The following ZNF831 variants were observed in gnomAD, a reference collection of about 807,000 sequenced individuals.
ZNF831 encodes the protein zinc finger protein 831, also known as chromosome 20 open reading frame 174.
Under a neutral mutation model 95.8 loss-of-function variants are expected in ZNF831, and 59 were observed. The observed-to-expected ratio is 0.62, with a 90% CI of 0.50 to 0.77. ZNF831 has a LOEUF of 0.77. Ranked by LOEUF, ZNF831 falls within the 30% of genes least tolerant of loss-of-function variation. The pLI is 0.00. For synonymous variants in ZNF831, 961 were observed against 925.5 expected (o/e 1.04, Z -0.70); for missense variants, 2,205 against 2,164.0 (o/e 1.02, Z -0.38).
intron 4 of ZNF831, among the ~76,000 whole-genome samples, chr20:59,220,042 C>T (rs771811472): frequency 2.6e-4 from 40 of 152,178 alleles, no homozygotes; most frequent in Non-Finnish European, 4.7e-4. Flanking sequence ...GAGAAACTCT[C>T]ATACCTTCAA....
intron 4 of ZNF831, among the ~76,000 whole-genome samples, chr20:59,235,383 C>T (rs1416718521): frequency 6.6e-6 from 1 of 152,190 alleles, no homozygotes; most frequent in Non-Finnish European, 1.5e-5. Context: ...TCTGCTGCTG[C>T]ATGCGTTTCC....
chr20:59,182,129 C>T (rs2146520658), intron 1 of ZNF831, among the ~76,000 whole-genome samples: 2 of 152,248 alleles, frequency 1.3e-5, no homozygotes, highest in South Asian at 4.1e-4. Flanking sequence ...ATAACAGCAC[C>T]TCCCTGCTGC....
rs1212335702 is a variant in ZNF831, at chr20:59,254,678, C to A, written c.4969C>A (p.Gln1657Lys). 2.5e-6 allele frequency: 4 copies of A among 1,614,002 alleles called. No individual in the cohort carries two copies. Among genetic ancestry groups the A allele is most frequent in the Non-Finnish European group, 3.4e-6 (4 of 1,180,022 alleles). ...GAGGAGTCTGGAAGGAATGAGAAAG[C>A]AAACTCGAGTAGAGTTCAGTGACAC... ...KKRSLEGMRK[Q>K]TRVEFSDTSS... Residue 1657 changes from glutamine (Q) to lysine (K), a missense_variant, in exon 6 of 6, where the codon CAA (glutamine) becomes AAA (lysine). By Grantham distance (53) the Gln-to-Lys change is moderately conservative. Transcript: ENST00000371030. The surrounding 1 kb of genome is among the most constrained non-coding windows in gnomAD (Gnocchi z 4.5).
chr20:59,124,526 C>A (rs1369356684), intron 1 of ZNF831, among the ~76,000 whole-genome samples: 1 of 152,198 alleles, frequency 6.6e-6, no homozygotes, highest in Non-Finnish European at 1.5e-5. Context: ...TGACTCTAAA[C>A]CCCGGGTTGG....
chr20:59,145,266 C>T (rs1302984071), intron 1 of ZNF831, among the ~76,000 whole-genome samples: 1 of 152,164 alleles, frequency 6.6e-6, no homozygotes, highest in Non-Finnish European at 1.5e-5. Flanking sequence ...GTCACGTTAC[C>T]ATTGGGCTGA....
chr20:59,253,160 T>C, intron 5 of ZNF831, 22 bp downstream of exon 5: 1 of 1,613,330 alleles, frequency 6.2e-7, no homozygotes, highest in Non-Finnish European at 8.5e-7. Flanking sequence ...GATTTTGAGC[T>C]GCCTCTACCT....
intron 2 of ZNF831, among the ~76,000 whole-genome samples, chr20:59,158,661 C>T (rs904941013): frequency 2.6e-5 from 4 of 152,318 alleles, no homozygotes; most frequent in Middle Eastern, 3.4e-3. Flanking sequence ...AGCCCATTTC[C>T]CAAAGGCTGG....
At chr20:59,249,251 C>T (rs986720869) in intron 4 of ZNF831, among the ~76,000 whole-genome samples, 3 of 152,166 alleles carry the variant, frequency 2.0e-5, no homozygotes, top group Admixed American at 2.0e-4. Context: ...ATTAAGCCCC[C>T]TCATTACTCT....
At chr20:59,165,745 T>C (rs1372398442) in intron 1 of ZNF831, among the ~76,000 whole-genome samples, 3 of 152,108 alleles carry the variant, frequency 2.0e-5, no homozygotes, top group Admixed American at 2.0e-4. Flanking sequence ...TAGTTCCTTT[T>C]TTTTTCTTCT....
chr20:59,142,202 A>G (rs1979705039), intron 1 of ZNF831, among the ~76,000 whole-genome samples: 1 of 152,214 alleles, frequency 6.6e-6, no homozygotes, highest in Admixed American at 6.5e-5. Flanking sequence ...CAGGGGGAAT[A>G]GGGTGGAAGC....
In ZNF831 at chr20:59,193,149, TG is replaced by T; in HGVS notation, c.2134del (p.Glu712ArgfsTer62). ...CCTTGGTGACTGAACCCACTAAGCA[TG>T]GGGAGACGGTGGCCAGGAGAGGAGA... is the stretch of plus-strand genomic sequence containing the variant. ...ASLVTEPTKH[G>X]ETVARRGDSD... On this transcript the variant is annotated frameshift_variant, in exon 2 of 6. Coordinates refer to ENST00000371030, the MANE Select transcript of ZNF831 (RefSeq NM_178457.3). LOFTEE classifies it high-confidence loss of function. 3.2e-6 allele frequency: 5 copies of T among 1,576,310 alleles called. No homozygotes were observed. Among genetic ancestry groups the T allele is most frequent in the Non-Finnish European group, 4.3e-6 (5 of 1,160,648 alleles).
At chr20:59,198,585 T>G (rs745656607) in intron 3 of ZNF831, among the ~76,000 whole-genome samples, 2 of 152,166 alleles carry the variant, frequency 1.3e-5, no homozygotes, top group African/African-American at 2.4e-5. Flanking sequence ...AGACGGCCTC[T>G]CCACTCAACA....
chr20:59,202,071 A>T (rs1421744939), intron 3 of ZNF831, among the ~76,000 whole-genome samples: 1 of 152,066 alleles, frequency 6.6e-6, no homozygotes, highest in Non-Finnish European at 1.5e-5. Flanking sequence ...TGCCCTGAAC[A>T]CTATTGTTTT....
chr20:59,133,789 C>G (rs145416810), intron 1 of ZNF831, among the ~76,000 whole-genome samples: 11 of 152,316 alleles, frequency 7.2e-5, no homozygotes, highest in African/African-American at 2.6e-4. Flanking sequence ...GCGGCAAGGA[C>G]GAGCCCTGGA....
intron 2 of ZNF831, among the ~76,000 whole-genome samples, chr20:59,149,195 A>G (rs1265635717): frequency 6.6e-6 from 1 of 152,206 alleles, no homozygotes; most frequent in African/African-American, 2.4e-5. Flanking sequence ...ACTGAAGATT[A>G]ACCAGCTTCC....
chr20:59,127,137 C>CTTGATCT (rs1266004959), intron 1 of ZNF831, among the ~76,000 whole-genome samples: 1 of 151,978 alleles, frequency 6.6e-6, no homozygotes, highest in Non-Finnish European at 1.5e-5. Flanking sequence ...TCGGAGGATC[C>CTTGATCT]TTTCTCTGTC....
rs140086392 is a variant in ZNF831 at position 59,247,280 on chromosome 20, A to T, written c.4028-5698A>T. ...GGGTCCTATTTCATGGCCACCCAGC[A>T]CCTTCGTGCTTTTTCTTTCATGCTA... is the stretch of plus-strand genomic sequence containing the variant. On this transcript the variant is annotated intron_variant, in intron 4 of 5. Transcript: ENST00000371030. 2.4e-3 allele frequency among the ~76,000 whole-genome samples: 369 copies of T among 152,312 alleles called. 2 individuals are homozygous for T. The highest frequency in any genetic ancestry group is 8.3e-3 in the African/African-American group (343 of 41,564).
intron 4 of ZNF831, among the ~76,000 whole-genome samples, chr20:59,250,344 G>C (rs1364057262): frequency 6.6e-6 from 1 of 152,154 alleles, no homozygotes; most frequent in African/African-American, 2.4e-5. Flanking sequence ...CCAGTCAGGA[G>C]ACCCGAGGAC....
intron 1 of ZNF831, among the ~76,000 whole-genome samples, chr20:59,146,054 C>T (rs988350819): frequency 1.3e-4 from 20 of 152,024 alleles, no homozygotes; most frequent in Admixed American, 5.2e-4. Flanking sequence ...ACAGAGCTGC[C>T]GTGGCACTGA....
Sources: gnomAD v4.1 joint callset for allele counts (sites outside exome capture counted in the v4.1 genomes callset) on GRCh38, gnomAD v4.1.1 for gene constraint, Gnocchi (gnomAD v3.1) non-coding constraint, MANE v1.5 for transcripts, NCBI Gene and HGNC (gene_info 2026-07-23, HGNC 2026-07-21) for gene names.